Variants in AMMECR1 observed in about 807,000 individuals in gnomAD.
AMMECR1 encodes the protein nuclear protein AMMECR1.
In AMMECR1, 3 loss-of-function variants were observed where a neutral mutation model predicts 22.5. That is an observed-to-expected ratio of 0.13 (90% CI 0.06 to 0.35). The LOEUF is 0.35. Ranked by LOEUF, AMMECR1 falls within the 10% of genes least tolerant of loss-of-function variation. The pLI, the probability that AMMECR1 is intolerant of heterozygous loss-of-function variation, is 1.00. For synonymous variants in AMMECR1, 130 were observed against 116.7 expected, an observed-to-expected ratio of 1.11 and a Z score of -0.74; for missense variants, 235 against 278.7, an observed-to-expected ratio of 0.84 and a Z score of 1.12.
chrX:110,366,523 A>T (rs2068298274), intron 2 of AMMECR1, among the ~76,000 whole-genome samples: 1 of 111,721 alleles, frequency 9.0e-6, no homozygotes, highest in African/African-American at 3.3e-5. Flanking sequence ...CTTACATGAT[A>T]AAAGTTAAGA....
intron 2 of AMMECR1, among the ~76,000 whole-genome samples, chrX:110,366,610 G>T (rs2068298993): frequency 9.0e-6 from 1 of 111,375 alleles, no homozygotes. Flanking sequence ...GATCAGCTTA[G>T]ATTCTATAAC....
At chrX:110,271,987 G>A (rs1323198538) in intron 1 of AMMECR1, among the ~76,000 whole-genome samples, 1 of 110,930 alleles carries the variant, frequency 9.0e-6, no homozygotes, top group Non-Finnish European at 1.9e-5. Flanking sequence ...AGGCCAAAGC[G>A]GGCTGATCAC....
At chrX:110,427,482 G>A (rs1369960985) in intron 1 of AMMECR1, among the ~76,000 whole-genome samples, 1 of 111,895 alleles carries the variant, frequency 8.9e-6, no homozygotes, top group East Asian at 2.8e-4. Flanking sequence ...AGGTGATTCT[G>A]ATGAGCACTC....
intron 2 of AMMECR1, among the ~76,000 whole-genome samples, chrX:110,352,161 T>A (rs923478143): frequency 8.9e-6 from 1 of 112,199 alleles, no homozygotes; most frequent in African/African-American, 3.2e-5. Flanking sequence ...TTGTCTGGCA[T>A]TTTCTCAAAA....
intron 2 of AMMECR1, among the ~76,000 whole-genome samples, chrX:110,257,227 C>T (rs1284720489): frequency 2.7e-5 from 3 of 112,245 alleles, no homozygotes; most frequent in Non-Finnish European, 5.6e-5. Context: ...TGAAGACTAT[C>T]GCAGACAATG....
At chrX:110,264,441 GT>G (rs765373514) in intron 2 of AMMECR1, 47 bp downstream of exon 2, 5,136 of 590,867 alleles carry the variant, frequency 8.7e-3, no homozygotes, top group Non-Finnish European at 0.01. Flanking sequence ...AGTTTCATAA[GT>G]TTTTTTTTTT....
At chrX:110,273,593 C>T (rs1046820906) in intron 1 of AMMECR1, among the ~76,000 whole-genome samples, 21 of 111,810 alleles carry the variant, frequency 1.9e-4, no homozygotes, top group African/African-American at 6.8e-4. Flanking sequence ...CTAAGTTTTC[C>T]TCTAGGATTA....
At chrX:110,288,759 T>C (rs2067893484) in intron 1 of AMMECR1, among the ~76,000 whole-genome samples, 1 of 112,148 alleles carries the variant, frequency 8.9e-6, no homozygotes, top group South Asian at 3.7e-4. Flanking sequence ...TCACAGCTAA[T>C]TCTTATGTAG....
intron 2 of AMMECR1, among the ~76,000 whole-genome samples, chrX:110,369,373 C>T (rs769383500): frequency 8.1e-5 from 9 of 111,175 alleles, no homozygotes; most frequent in Non-Finnish European, 1.7e-4. Flanking sequence ...AAGATTTTTG[C>T]CAAGGGTCCT....
intron 2 of AMMECR1, among the ~76,000 whole-genome samples, chrX:110,261,209 C>T (rs1371430509): frequency 9.0e-6 from 1 of 110,776 alleles, no homozygotes; most frequent in East Asian, 2.8e-4. Context: ...ACATATATTT[C>T]CCCACAATAA....
At chrX:110,388,630 C>A (rs2068474233) in intron 2 of AMMECR1, among the ~76,000 whole-genome samples, 1 of 112,264 alleles carries the variant, frequency 8.9e-6, no homozygotes. Flanking sequence ...CATCAAAAGC[C>A]CCTGGAGGGC....
At chrX:110,316,310 A>C (rs1237272423) in intron 1 of AMMECR1, among the ~76,000 whole-genome samples, 1 of 111,903 alleles carries the variant, frequency 8.9e-6, no homozygotes, top group Non-Finnish European at 1.9e-5. Context: ...CCAATCCTCT[A>C]ATCTCACAAA....
At chrX:110,218,244 T>C (rs984856736) in intron 2 of AMMECR1, among the ~76,000 whole-genome samples, 1 of 111,060 alleles carries the variant, frequency 9.0e-6, no homozygotes, top group Non-Finnish European at 1.9e-5. Flanking sequence ...AAGAATTATA[T>C]GCATAAAAAA....
exon 2 of AMMECR1, chrX:110,426,787 G>A (rs1003357227): frequency 2.0e-4 from 22 of 111,789 alleles, no homozygotes; most frequent in Admixed American, 1.3e-3. Flanking sequence ...TTAGGGTCAA[G>A]GTGAGGACTC....
At chrX:110,202,395 T>C in intron 4 of AMMECR1, 51 bp downstream of exon 4, 1 of 982,580 alleles carries the variant, frequency 1.0e-6, no homozygotes, top group Non-Finnish European at 1.4e-6. Flanking sequence ...TCAGTTTGTA[T>C]ATTTGTTTAA....
intron 2 of AMMECR1, among the ~76,000 whole-genome samples, chrX:110,404,546 A>G: frequency 8.9e-6 from 1 of 112,291 alleles, no homozygotes; most frequent in East Asian, 2.8e-4. Context: ...AAGAAACTGT[A>G]ATTACGAAAG....
At chrX:110,384,935 C>T (rs1318238791) in intron 2 of AMMECR1, among the ~76,000 whole-genome samples, 1 of 110,909 alleles carries the variant, frequency 9.0e-6, no homozygotes, top group Non-Finnish European at 1.9e-5. Flanking sequence ...ATTTGCTAAT[C>T]AACTTTGCCC....
intron 1 of AMMECR1, among the ~76,000 whole-genome samples, chrX:110,295,278 A>G (rs1249766187): frequency 9.0e-6 from 1 of 111,480 alleles, no homozygotes; most frequent in Non-Finnish European, 1.9e-5. Context: ...ATTATTAAAG[A>G]TATTAATTTT....
intron 2 of AMMECR1, among the ~76,000 whole-genome samples, chrX:110,380,949 T>C (rs373368141): frequency 8.9e-6 from 1 of 112,142 alleles, no homozygotes; most frequent in Non-Finnish European, 1.9e-5. Flanking sequence ...AACTCAAGAT[T>C]GATTAAAGAC....
Sources: gnomAD v4.1 joint callset for allele counts (sites outside exome capture counted in the v4.1 genomes callset) on GRCh38, gnomAD v4.1.1 for gene constraint, MANE v1.5 for transcripts, NCBI Gene and HGNC (gene_info 2026-07-23, HGNC 2026-07-21) for gene names.